Variants in ZNF710 observed in about 807,000 individuals in gnomAD.
ZNF710 encodes the protein zinc finger protein 710.
ZNF710 carries 13 observed loss-of-function variants against 50.6 expected under a neutral mutation model. The observed-to-expected ratio is 0.26, with a 90% CI of 0.17 to 0.41. The LOEUF (loss-of-function observed/expected upper bound fraction) is 0.41, where lower values mean the gene tolerates loss of function less well. Among genes scored for constraint, ZNF710 ranks in the 10% least tolerant of loss-of-function variants. The pLI is 1.00. For synonymous variants in ZNF710, 383 were observed against 397.0 expected (o/e 0.96, Z 0.42); for missense variants, 721 against 936.6 (o/e 0.77, Z 3.01).
chr15:90,023,761 G>T (rs907623520), intron 1 of ZNF710, among the ~76,000 whole-genome samples: 2 of 152,188 alleles, frequency 1.3e-5, no homozygotes, highest in African/African-American at 2.4e-5. Flanking sequence ...ACTTTGGGAG[G>T]CCAAGGCAGG....
At chr15:90,045,073 C>G (rs1391769820) in intron 1 of ZNF710, among the ~76,000 whole-genome samples, 1 of 152,150 alleles carries the variant, frequency 6.6e-6, no homozygotes, top group East Asian at 1.9e-4. Context: ...CCCTTTGACT[C>G]CCCCACATAA....
intron 1 of ZNF710, among the ~76,000 whole-genome samples, chr15:90,048,770 T>G (rs1899546636): frequency 6.6e-6 from 1 of 152,204 alleles, no homozygotes; most frequent in African/African-American, 2.4e-5. Flanking sequence ...GTGACGAGAC[T>G]TCTAGAAGCC....
At chr15:90,019,330 C>CT (rs1200356200) in intron 1 of ZNF710, among the ~76,000 whole-genome samples, 2 of 151,838 alleles carry the variant, frequency 1.3e-5, no homozygotes, top group African/African-American at 4.8e-5. Flanking sequence ...AACCAATCTC[C>CT]TACATTTAGC....
chr15:90,039,487 G>A (rs76490785), intron 1 of ZNF710, among the ~76,000 whole-genome samples: 1 of 152,140 alleles, frequency 6.6e-6, no homozygotes, highest in Non-Finnish European at 1.5e-5. Flanking sequence ...CTTGCCCCAC[G>A]ACTGGATGAG....
At chr15:90,072,398 A>G (rs1900419260) in intron 2 of ZNF710, among the ~76,000 whole-genome samples, 1 of 152,150 alleles carries the variant, frequency 6.6e-6, no homozygotes, top group Non-Finnish European at 1.5e-5. Flanking sequence ...GTTGGATGAG[A>G]ACTACAGGTG....
chr15:90,071,744 T>C (rs907772701), intron 2 of ZNF710, among the ~76,000 whole-genome samples: 47 of 150,946 alleles, frequency 3.1e-4, no homozygotes, highest in Non-Finnish European at 5.2e-4. Flanking sequence ...AGTGGTGTGA[T>C]CTCAGCTCAC....
At position 90,021,641 on chromosome 15, in the gene ZNF710, C is replaced by G. The variant is rs1898625662; in HGVS notation, c.-29+20027C>G. 2.6e-5 allele frequency among the ~76,000 whole-genome samples: 4 copies of G among 152,168 alleles called. No individual in the cohort carries two copies. In the South Asian group the frequency reaches 6.2e-4, roughly 24 times the overall value. ...TTAAGGTGAATGGCATGGTCTCTCTCCCCAGTGAGCCCCCAGTCCAGAAGG... is the reference window on the plus strand; with the variant it reads ...TTAAGGTGAATGGCATGGTCTCTCTGCCCAGTGAGCCCCCAGTCCAGAAGG... On this transcript the variant is annotated intron_variant, in intron 1 of 4. Transcript: ENST00000268154.
rs903926513 is a variant in ZNF710, at chr15:90,034,554, A to G, written c.-28-32556A>G. On this transcript the variant is annotated intron_variant, in intron 1 of 4. Coordinates refer to ENST00000268154, the MANE Select transcript of ZNF710 (RefSeq NM_198526.4). The surrounding 1 kb of genome is among the most constrained non-coding windows in gnomAD (Gnocchi z 4.0). ...GGAAACAACCATCGGTTTCCTGCTG[A>G]TTAACTCAGTTCCTGGAGGGCCCTC... Among the ~76,000 whole-genome samples, 1 of 151,138 alleles carries G rather than the reference A, an allele frequency of 6.6e-6. No homozygotes were observed. Among genetic ancestry groups the G allele is most frequent in the Non-Finnish European group, 1.5e-5 (1 of 67,910 alleles).
chr15:90,030,163 C>G (rs1898890664), intron 1 of ZNF710, among the ~76,000 whole-genome samples: 1 of 150,930 alleles, frequency 6.6e-6, no homozygotes, highest in African/African-American at 2.4e-5. Context: ...AACCCCGTCT[C>G]TACTAAAAAT....
intron 1 of ZNF710, among the ~76,000 whole-genome samples, chr15:90,023,666 A>G (rs1335933244): frequency 6.6e-6 from 1 of 152,160 alleles, no homozygotes; most frequent in Non-Finnish European, 1.5e-5. Flanking sequence ...CCTGGGTGAC[A>G]GAGTGAGACC....
chr15:89,998,663 C>T (rs557627395), upstream of ZNF710, among the ~76,000 whole-genome samples: 16 of 152,110 alleles, frequency 1.1e-4, no homozygotes, highest in African/African-American at 3.1e-4. Context: ...TAAAAGCTAC[C>T]GGGGATTGGT....
At chr15:90,005,058 G>C (rs1898105292) in intron 1 of ZNF710, among the ~76,000 whole-genome samples, 1 of 152,218 alleles carries the variant, frequency 6.6e-6, no homozygotes, top group Admixed American at 6.5e-5. Context: ...GATTGGTCAG[G>C]AGAGAAGAGA....
At chr15:90,073,868 T>C (rs1900483151) in intron 3 of ZNF710, among the ~76,000 whole-genome samples, 2 of 151,580 alleles carry the variant, frequency 1.3e-5, no homozygotes, top group Admixed American at 1.3e-4. Context: ...CACGTGCCTG[T>C]AGTCCCAGCT....
rs1346372600 is a variant in ZNF710 at position 90,062,550 on chromosome 15, G to A, written c.-28-4560G>A. On this transcript the variant is annotated intron_variant, in intron 1 of 4. Coordinates refer to ENST00000268154, the MANE Select transcript of ZNF710 (RefSeq NM_198526.4). This position sits in a 1 kb window ranked among gnomAD's most constrained non-coding sequence, Gnocchi z 5.6. ...GCGGATGACAGAGGGGCCTTGGGTT[G>A]GGTGGGGAGGCAGCCCTGGCACACA... Among the ~76,000 whole-genome samples the A allele has an allele frequency of 6.6e-6, 1 of 152,194 alleles. No individual in the cohort carries two copies. Among genetic ancestry groups the A allele is most frequent in the African/African-American group, 2.4e-5 (1 of 41,448 alleles).
chr15:90,025,243 T>G (rs1475928425), intron 1 of ZNF710: 1 of 152,038 alleles, frequency 6.6e-6, no homozygotes, highest in East Asian at 1.9e-4. Context: ...CTCTTTTGGG[T>G]CTAAATCCAA....
intron 1 of ZNF710, among the ~76,000 whole-genome samples, chr15:90,057,389 G>A (rs768243317): frequency 6.6e-6 from 1 of 151,964 alleles, no homozygotes; most frequent in Non-Finnish European, 1.5e-5. Context: ...GAGAGTATGC[G>A]TCAACTCTTG....
At chr15:90,000,668 T>A (rs1039693294), upstream of ZNF710, among the ~76,000 whole-genome samples, 9 of 152,214 alleles carry the variant, frequency 5.9e-5, no homozygotes, top group Admixed American at 5.9e-4. Flanking sequence ...GGATGTTTGT[T>A]CCAGGCCCAT....
rs1017337803 is a variant in ZNF710, at chr15:90,079,793, G to A, written c.1959G>A (p.Gln653=). The part of the protein sequence containing the change: ...SSAEASVLTE[Q]AMKEMAYYNV... ...CCGAGGCCAGTGTCCTCACTGAACA[G>A]GCCATGAAAGAGATGGCCTACTACA... Residue 653 remains glutamine, a synonymous_variant, in exon 5 of 5, where the codon CAG becomes CAA. Transcript: ENST00000268154. 2 of 1,608,746 alleles carry A rather than the reference G, an allele frequency of 1.2e-6. No homozygotes were observed. Among genetic ancestry groups the A allele is most frequent in the Non-Finnish European group, 1.7e-6 (2 of 1,178,456 alleles).
At position 90,080,458 on chromosome 15, in the gene ZNF710, C is replaced by A. The variant is rs1900695484; in HGVS notation, c.*629C>A. On this transcript the variant is annotated 3_prime_UTR_variant, in exon 5 of 5. Coordinates refer to ENST00000268154, the MANE Select transcript of ZNF710 (RefSeq NM_198526.4). Reference sequence around the variant, plus strand: ...GGGGGCACCCAGCCCCCAGAAGACCCCTGTCCTACATCCCTTTCTGGAAGT... The same window carrying A: ...GGGGGCACCCAGCCCCCAGAAGACCACTGTCCTACATCCCTTTCTGGAAGT... 1 of 152,870 alleles carries A rather than the reference C, an allele frequency of 6.5e-6. No homozygotes were observed. The highest frequency in any genetic ancestry group is 1.5e-5 in the Non-Finnish European group (1 of 68,210). The allele number at this position is 152,870 out of a possible 1,614,324, so 9.5% of individuals were successfully genotyped here. A position where few individuals can be genotyped will look rare whatever the true frequency, so the allele number is the denominator to read the frequency against.
Sources: gnomAD v4.1 joint callset for allele counts (sites outside exome capture counted in the v4.1 genomes callset) on GRCh38, gnomAD v4.1.1 for gene constraint, Gnocchi (gnomAD v3.1) non-coding constraint, MANE v1.5 for transcripts, NCBI Gene and HGNC (gene_info 2026-07-23, HGNC 2026-07-21) for gene names.